SLC71A1: variants seen among roughly 807,000 people sequenced by gnomAD.
SLC71A1 encodes the protein hippocampus abundant gene transcript 1.
the SLC71A1 span, chr1:100,077,146 CTT>C: frequency 8.8e-3 from 7,524 of 856,046 alleles, no homozygotes; most frequent in South Asian, 0.012. Flanking sequence ...TCTGATAAAT[CTT>C]TTTTTTTTTT....
At chr1:100,049,388 G>A in the SLC71A1 span, among the ~76,000 whole-genome samples, 1 of 148,144 alleles carries the variant, frequency 6.8e-6, no homozygotes, top group Non-Finnish European at 1.5e-5. Flanking sequence ...GATTGTGTCA[G>A]TCTTAATATC....
At chr1:100,043,351 A>C in the SLC71A1 span, 1 of 232,706 alleles carries the variant, frequency 4.3e-6, no homozygotes, top group Non-Finnish European at 7.1e-6. Flanking sequence ...GCCAGGGTAC[A>C]TCAAGAAGAG....
the SLC71A1 span, chr1:100,050,122 T>C: frequency 1.0e-5 from 6 of 581,880 alleles, no homozygotes; most frequent in Non-Finnish European, 1.8e-5. Flanking sequence ...TATTGTTCAG[T>C]ATTCACCAGT....
the SLC71A1 span, chr1:100,043,025 T>G: frequency 1.1e-6 from 1 of 928,986 alleles, no homozygotes; most frequent in Non-Finnish European, 1.3e-6. Flanking sequence ...AGTGTTTGGT[T>G]TAGATTGGTG....
At chr1:100,063,304 A>AC in the SLC71A1 span, among the ~76,000 whole-genome samples, 1 of 150,308 alleles carries the variant, frequency 6.7e-6, no homozygotes, top group Non-Finnish European at 1.5e-5. Flanking sequence ...ACAAAACAAA[A>AC]AACACTGAAA....
At chr1:100,058,074 G>A in the SLC71A1 span, 1 of 152,146 alleles carries the variant, frequency 6.6e-6, no homozygotes, top group Admixed American at 6.6e-5. Context: ...CGGTTCTCTT[G>A]CTGCCCACTG....
chr1:100,075,331 TATC>T, the SLC71A1 span, among the ~76,000 whole-genome samples: 9 of 152,250 alleles, frequency 5.9e-5, no homozygotes, highest in African/African-American at 1.9e-4. Context: ...TTGTAATGCT[TATC>T]ATCATCTCAA....
chr1:100,052,382 T>C, the SLC71A1 span, among the ~76,000 whole-genome samples: 1 of 152,222 alleles, frequency 6.6e-6, no homozygotes. Context: ...TTAGAAAGGC[T>C]TGTTTATTCA....
At chr1:100,082,235 A>G in the SLC71A1 span, 7 of 1,578,684 alleles carry the variant, frequency 4.4e-6, no homozygotes, top group East Asian at 2.2e-5. Context: ...AGATTTTTCT[A>G]TCAGCACCCA....
the SLC71A1 span, among the ~76,000 whole-genome samples, chr1:100,052,258 T>C: frequency 6.6e-6 from 1 of 152,142 alleles, no homozygotes; most frequent in African/African-American, 2.4e-5. Flanking sequence ...TAAAATTTGC[T>C]TCTTGTTTAA....
At chr1:100,039,188 A>C in the SLC71A1 span, among the ~76,000 whole-genome samples, 4 of 152,244 alleles carry the variant, frequency 2.6e-5, no homozygotes, top group Non-Finnish European at 5.9e-5. Flanking sequence ...CCGTTGCTAC[A>C]CTGTGTGGTC....
chr1:100,043,641 TTTCTGAG>T, the SLC71A1 span, among the ~76,000 whole-genome samples: 4,177 of 152,288 alleles, frequency 0.027, 194 homozygotes, highest in African/African-American at 0.096. Context: ...TTAGTGATGA[TTTCTGAG>T]ATTTTAGTGC....
chr1:100,056,088 C>T, the SLC71A1 span, among the ~76,000 whole-genome samples: 2 of 152,164 alleles, frequency 1.3e-5, no homozygotes, highest in African/African-American at 4.8e-5. Context: ...TAAATGTTGG[C>T]TGTAGTCAAC....
the SLC71A1 span, among the ~76,000 whole-genome samples, chr1:100,038,607 G>A: frequency 6.6e-6 from 1 of 152,066 alleles, no homozygotes; most frequent in Non-Finnish European, 1.5e-5. Flanking sequence ...GTGCGCCTCC[G>A]CCGCGGGGAG....
At chr1:100,058,876 A>G in the SLC71A1 span, 3 of 469,746 alleles carry the variant, frequency 6.4e-6, no homozygotes, top group Non-Finnish European at 1.1e-5. Context: ...TAGATGGAGT[A>G]TATTTTGAGA....
chr1:100,038,110 C>T, the SLC71A1 span: 308 of 826,172 alleles, frequency 3.7e-4, 1 homozygote, highest in Non-Finnish European at 5.1e-4. Context: ...CAGGCCGGGC[C>T]CTCAAGATGG....
the SLC71A1 span, among the ~76,000 whole-genome samples, chr1:100,071,835 C>T: frequency 1.9e-4 from 29 of 152,042 alleles, no homozygotes; most frequent in Admixed American, 5.9e-4. Flanking sequence ...CACTAGGTTA[C>T]AAGATGAAAA....
At chr1:100,082,722 T>TA in the SLC71A1 span, 113 of 147,586 alleles carry the variant, frequency 7.7e-4, 1 homozygote, top group African/African-American at 9.2e-4. Context: ...TGTTTGCATT[T>TA]AAAAAAAAAA....
At chr1:100,078,591 A>ACATTC in the SLC71A1 span, 3 of 1,345,200 alleles carry the variant, frequency 2.2e-6, no homozygotes, top group Non-Finnish European at 3.2e-6. Flanking sequence ...AAAGTACAGA[A>ACATTC]TGTTCTAATC....
Sources: gnomAD v4.1 joint callset for allele counts (sites outside exome capture counted in the v4.1 genomes callset) on GRCh38, gnomAD v4.1.1 for gene constraint, MANE v1.5 for transcripts, NCBI Gene and HGNC (gene_info 2026-07-23, HGNC 2026-07-21) for gene names.